The following BTBD2 variants were observed in gnomAD, a reference collection of about 807,000 sequenced individuals.
The protein encoded by BTBD2 is BTB domain containing 2.
Under a neutral mutation model 44.0 loss-of-function variants are expected in BTBD2, and 15 were observed. That is an observed-to-expected ratio of 0.34 (90% CI 0.23 to 0.53). The LOEUF (loss-of-function observed/expected upper bound fraction) is 0.53, where lower values mean the gene tolerates loss of function less well. Ranked by LOEUF, BTBD2 falls within the 20% of genes least tolerant of loss-of-function variation. The pLI is 0.95. For missense variants in BTBD2, 657 were observed against 746.4 expected (o/e 0.88, Z 1.39); for synonymous variants, 443 against 335.9 (o/e 1.32, Z -3.49).
chr19:2,001,862 C>T (rs533535116), intron 1 of BTBD2, among the ~76,000 whole-genome samples: 17 of 152,234 alleles, frequency 1.1e-4, no homozygotes, highest in Admixed American at 7.8e-4. Flanking sequence ...TTCAGCCTCC[C>T]GAGTAGCTGG....
chr19:2,013,631 G>A (rs2016495233), intron 1 of BTBD2: 1 of 988,290 alleles, frequency 1.0e-6, no homozygotes, highest in South Asian at 4.6e-5. Context: ...CAGGGCCCAG[G>A]GGTCTCTGGC....
At chr19:1,994,870 C>T (rs1393401097) in intron 2 of BTBD2, among the ~76,000 whole-genome samples, 3 of 152,150 alleles carry the variant, frequency 2.0e-5, no homozygotes. Context: ...TTCCCTAAGT[C>T]CAATGTCTTT....
At chr19:2,013,008 A>G (rs1218190924) in intron 1 of BTBD2, among the ~76,000 whole-genome samples, 1 of 152,146 alleles carries the variant, frequency 6.6e-6, no homozygotes, top group Non-Finnish European at 1.5e-5. Flanking sequence ...ACTCCAAGCT[A>G]GGAGAGGCCC....
At chr19:1,989,795 G>A (rs767371994) in intron 5 of BTBD2, 4 of 603,134 alleles carry the variant, frequency 6.6e-6, no homozygotes, top group East Asian at 2.8e-5. Context: ...GCGGGGTCTG[G>A]CAGTGTGCAC....
At chr19:1,988,352 C>T (rs1386131194) in intron 5 of BTBD2, 3 of 152,922 alleles carry the variant, frequency 2.0e-5, no homozygotes, top group Non-Finnish European at 2.9e-5. Flanking sequence ...CATCCACCCC[C>T]AGGAGTGCCA....
intron 2 of BTBD2, among the ~76,000 whole-genome samples, chr19:1,994,655 A>AGGCT (rs1291891901): frequency 1.3e-5 from 2 of 151,936 alleles, no homozygotes; most frequent in Non-Finnish European, 2.9e-5. Context: ...GGTACTCAGG[A>AGGCT]GGCTGATGCA....
rs1248821668 is a variant in BTBD2, at chr19:1,985,798, G to C, written c.*690C>G. 1 of 152,438 alleles carries C rather than the reference G, an allele frequency of 6.6e-6. No individual in the cohort carries two copies. Among genetic ancestry groups the C allele is most frequent in the Non-Finnish European group, 1.5e-5 (1 of 68,256 alleles). The allele number at this position is 152,438 out of a possible 1,614,324, so 9.4% of individuals were successfully genotyped here. A position where few individuals can be genotyped will look rare whatever the true frequency, so the allele number is the denominator to read the frequency against. On this transcript the variant is annotated 3_prime_UTR_variant, in exon 9 of 9. Transcript: ENST00000255608. ...GAGGGCCGTCCAGGGAGGCTGGACA[G>C]CGGGGGCCTTTATCTGGGCCCATCA...
At chr19:1,989,954 C>G (rs373290178) in intron 5 of BTBD2, 50 bp downstream of exon 5, 463 of 1,600,846 alleles carry the variant, frequency 2.9e-4, no homozygotes, top group Middle Eastern at 9.9e-4. Context: ...AGATGCCCAC[C>G]TGTGTGCCAC....
intron 4 of BTBD2, chr19:1,990,474 G>A: frequency 1.6e-6 from 1 of 609,740 alleles, no homozygotes; most frequent in Non-Finnish European, 2.9e-6. Flanking sequence ...CAAAGCCATG[G>A]ACCATCGGAG....
rs992449045 is a variant in BTBD2 at position 1,985,600 on chromosome 19, G to C, written c.*888C>G. ...GGGGGCGTGGCCGGAGTGGGGAGGG[G>C]CTGTGCCCCCAGCACCTGGGGGTGG... is the stretch of plus-strand genomic sequence containing the variant. On this transcript the variant is annotated 3_prime_UTR_variant, in exon 9 of 9. Coordinates refer to ENST00000255608, the MANE Select transcript of BTBD2 (RefSeq NM_017797.4). 1 of 152,458 alleles carries C rather than the reference G, an allele frequency of 6.6e-6. No individual in the cohort carries two copies. Among genetic ancestry groups the C allele is most frequent in the African/African-American group, 2.4e-5 (1 of 41,442 alleles). The allele number at this position is 152,458 out of a possible 1,614,324, so 9.4% of individuals were successfully genotyped here. A position where few individuals can be genotyped will look rare whatever the true frequency, so the allele number is the denominator to read the frequency against.
chr19:2,004,738 A>G (rs113734985), intron 1 of BTBD2, among the ~76,000 whole-genome samples: 30,432 of 150,714 alleles, frequency 0.2, 3,443 homozygotes, highest in East Asian at 0.29. Context: ...CAGGACTTCG[A>G]GAGGCCAAGG....
intron 2 of BTBD2, among the ~76,000 whole-genome samples, chr19:1,996,951 G>A (rs1299147600): frequency 6.6e-6 from 1 of 152,136 alleles, no homozygotes. Flanking sequence ...GGGAGGCTGA[G>A]GTGGGTGGAT....
At chr19:1,995,209 C>G (rs185418826) in intron 2 of BTBD2, among the ~76,000 whole-genome samples, 1 of 151,794 alleles carries the variant, frequency 6.6e-6, no homozygotes, top group East Asian at 1.9e-4. Flanking sequence ...TCAGGTGATC[C>G]ACCCACCTCA....
chr19:1,990,665 C>G, intron 4 of BTBD2, 52 bp downstream of exon 4: 1 of 1,495,610 alleles, frequency 6.7e-7, no homozygotes, highest in South Asian at 1.2e-5. Flanking sequence ...TCCCCGGACC[C>G]TCCCGCCGAG....
intron 2 of BTBD2, among the ~76,000 whole-genome samples, chr19:1,995,293 T>C (rs1035703125): frequency 6.9e-6 from 1 of 144,676 alleles, no homozygotes; most frequent in Admixed American, 7.0e-5. Context: ...TTTTTTTTTT[T>C]TTTTTTGAGA....
intron 1 of BTBD2, chr19:2,013,552 G>A (rs2016494175): frequency 5.1e-6 from 5 of 986,882 alleles, no homozygotes; most frequent in Non-Finnish European, 6.0e-6. Flanking sequence ...ACAACCTTCT[G>A]CAGAGTCCAG....
intron 1 of BTBD2, among the ~76,000 whole-genome samples, chr19:2,012,661 G>A (rs1235801020): frequency 6.6e-6 from 1 of 152,124 alleles, no homozygotes; most frequent in East Asian, 1.9e-4. Context: ...GCTGTCCCAG[G>A]CCCGCCCACC....
chr19:2,002,174 T>C (rs2016338013), intron 1 of BTBD2, among the ~76,000 whole-genome samples: 1 of 152,080 alleles, frequency 6.6e-6, no homozygotes, highest in Admixed American at 6.6e-5. Flanking sequence ...CTCAACCTCC[T>C]GGACTCAAGC....
In BTBD2 at chr19:2,004,980, C is replaced by T. The variant is rs1269843001; in HGVS notation, c.408-7517G>A. Among the ~76,000 whole-genome samples, 6 of 151,838 alleles carry T rather than the reference C, an allele frequency of 4.0e-5. No individual in the cohort carries two copies. In the East Asian group the frequency reaches 5.8e-4, roughly 15 times the overall value. ...GACTACAGGCGCCCACCACCACGCCCGGCTAATTTTTTTGTATTTTTAGTA... is the reference window on the plus strand; with the variant it reads ...GACTACAGGCGCCCACCACCACGCCTGGCTAATTTTTTTGTATTTTTAGTA... On this transcript the variant is annotated intron_variant, in intron 1 of 8. Coordinates refer to ENST00000255608, the MANE Select transcript of BTBD2 (RefSeq NM_017797.4).
Sources: allele counts gnomAD v4.1 joint callset (sites outside exome capture counted in the v4.1 genomes callset), GRCh38; gene constraint gnomAD v4.1.1; transcripts MANE v1.5; gene names NCBI Gene and HGNC (gene_info 2026-07-23, HGNC 2026-07-21).